USH2A: variants seen among roughly 807,000 people sequenced by gnomAD.
USH2A encodes the protein Usher syndrome 2A (autosomal recessive, mild).
In USH2A, 443 loss-of-function variants were observed where a neutral mutation model predicts 538.9. The ratio of observed to expected loss-of-function variants is 0.82; its 90% CI spans 0.76 to 0.89. The LOEUF is 0.89. Among genes scored for constraint, USH2A ranks in the 40% least tolerant of loss-of-function variants. The pLI is 0.00. For synonymous variants in USH2A, 2,413 were observed against 2,273.5 expected, an observed-to-expected ratio of 1.06 and a Z score of -1.75; for missense variants, 6,633 against 6,324.8, an observed-to-expected ratio of 1.05 and a Z score of -1.65.
intron 4 of USH2A, among the ~76,000 whole-genome samples, chr1:216,356,662 G>T (rs2102698210): frequency 6.6e-6 from 1 of 152,066 alleles, no homozygotes; most frequent in South Asian, 2.1e-4. Flanking sequence ...CATTCCTCTT[G>T]ATGGTGTATA....
At chr1:216,009,042 T>C (rs186095472) in intron 32 of USH2A, among the ~76,000 whole-genome samples, 1 of 152,164 alleles carries the variant, frequency 6.6e-6, no homozygotes, top group East Asian at 1.9e-4. Flanking sequence ...CAACCTCGTA[T>C]CTCTGTGCCC....
intron 21 of USH2A, among the ~76,000 whole-genome samples, chr1:216,100,531 T>C (rs1306038202): frequency 6.6e-6 from 1 of 152,202 alleles, no homozygotes; most frequent in African/African-American, 2.4e-5. Context: ...TCATATATTA[T>C]AATAAAACCT....
rs961424083 is a variant in USH2A at position 215,659,224 on chromosome 1, C to T, written c.14134-8423G>A. Among the ~76,000 whole-genome samples, 22 of 152,216 alleles carry T rather than the reference C, an allele frequency of 1.4e-4. No individual in the cohort carries two copies. In the South Asian group the frequency reaches 4.1e-3, roughly 29 times the overall value. Reference sequence around the variant, plus strand: ...TCCAGGAGGTTCTCTCAACAGATGACCATCAAGCTGGGAAACAATTGGCAG... The same window carrying T: ...TCCAGGAGGTTCTCTCAACAGATGATCATCAAGCTGGGAAACAATTGGCAG... On this transcript the variant is annotated intron_variant, in intron 64 of 71. Coordinates refer to ENST00000307340, the MANE Select transcript of USH2A (RefSeq NM_206933.4).
At chr1:216,037,133 T>G (rs2030021171) in intron 32 of USH2A, among the ~76,000 whole-genome samples, 1 of 152,060 alleles carries the variant, frequency 6.6e-6, no homozygotes, top group African/African-American at 2.4e-5. Context: ...TTAAAGATTT[T>G]TTTAAGATTA....
intron 4 of USH2A, among the ~76,000 whole-genome samples, chr1:216,336,672 T>A (rs1308641682): frequency 6.6e-6 from 1 of 151,492 alleles, no homozygotes; most frequent in African/African-American, 2.4e-5. Context: ...GGAAAAAGAA[T>A]ACTCTTCTTT....
Position 216,097,169 on chromosome 1 carries a change from C to A in USH2A, c.4672G>T (p.Val1558Phe), listed in dbSNP as rs775600356. ...TGATTGCCAGGTGATGCTGCAAAGACAATCAAACCTTCAGGCACTTTTGTT... is the reference window on the plus strand; with the variant it reads ...TGATTGCCAGGTGATGCTGCAAAGAAAATCAAACCTTCAGGCACTTTTGTT... ...FRTKVPEGLI[V>F]FAASPGNQEE... The change falls in exon 22 of 72, where the codon GTC becomes TTC. Residue 1558 changes from valine (V) to phenylalanine (F), a missense_variant. Transcript: ENST00000307340. The A allele has an allele frequency of 6.2e-7, 1 of 1,614,142 alleles. No homozygotes were observed. Among genetic ancestry groups the A allele is most frequent in the Non-Finnish European group, 8.5e-7 (1 of 1,180,006 alleles).
At chr1:215,908,916 T>C (rs943262979) in intron 38 of USH2A, among the ~76,000 whole-genome samples, 38 of 151,196 alleles carry the variant, frequency 2.5e-4, no homozygotes, top group Non-Finnish European at 8.9e-5. Flanking sequence ...CACTAAGATA[T>C]GAGTGGTCCA....
At position 215,813,911 on chromosome 1, in the gene USH2A, GT is replaced by G; in HGVS notation, c.9571-8del. 1 of 1,613,558 alleles carries G rather than the reference GT, an allele frequency of 6.2e-7. No homozygotes were observed. The highest frequency in any genetic ancestry group is 8.5e-7 in the Non-Finnish European group (1 of 1,179,654). ...GCACTCCGTTACAACAAACCTGAAA[GT>G]TTGAAAACAGTTTTAAAGAAATATC... On this transcript the variant is annotated splice_region_variant and splice_polypyrimidine_tract_variant and intron_variant, in intron 48 of 71. Transcript: ENST00000307340.
At chr1:216,014,527 A>G (rs1034796251) in intron 32 of USH2A, among the ~76,000 whole-genome samples, 1 of 152,258 alleles carries the variant, frequency 6.6e-6, no homozygotes, top group Admixed American at 6.5e-5. Flanking sequence ...AATTGCAGGT[A>G]TGTACACAAA....
chr1:215,741,833 A>T (rs1660314602), intron 59 of USH2A, among the ~76,000 whole-genome samples: 1 of 152,228 alleles, frequency 6.6e-6, no homozygotes, highest in Non-Finnish European at 1.5e-5. Flanking sequence ...CTAGTTTATT[A>T]TAGTCATTCT....
At chr1:216,003,545 G>T (rs902460436) in intron 32 of USH2A, among the ~76,000 whole-genome samples, 1 of 151,988 alleles carries the variant, frequency 6.6e-6, no homozygotes, top group Non-Finnish European at 1.5e-5. Flanking sequence ...GGGAATTTTT[G>T]GGTTGGACCA....
At chr1:216,350,853 T>A (rs1446120282) in intron 4 of USH2A, among the ~76,000 whole-genome samples, 1 of 152,186 alleles carries the variant, frequency 6.6e-6, no homozygotes, top group Non-Finnish European at 1.5e-5. Context: ...GGGGACTCAG[T>A]GGAGACTGCA....
chr1:215,951,509 G>C (rs1173863737), intron 37 of USH2A, among the ~76,000 whole-genome samples: 3 of 152,200 alleles, frequency 2.0e-5, no homozygotes, highest in African/African-American at 7.2e-5. Context: ...GTGGTGTGGT[G>C]CTGAAGAGGA....
chr1:216,061,868 A>T (rs1207745450), intron 30 of USH2A, among the ~76,000 whole-genome samples: 1 of 152,194 alleles, frequency 6.6e-6, no homozygotes, highest in Non-Finnish European at 1.5e-5. Flanking sequence ...TCTACCAAAC[A>T]CTGGGAAGAA....
chr1:216,306,164 C>T (rs1456957361), intron 9 of USH2A, among the ~76,000 whole-genome samples: 4 of 152,034 alleles, frequency 2.6e-5, no homozygotes, highest in African/African-American at 7.2e-5. Context: ...TAGATTTGGT[C>T]GTTTAACATA....
chr1:216,150,397 C>G (rs1345281160), intron 21 of USH2A, among the ~76,000 whole-genome samples: 1 of 143,634 alleles, frequency 7.0e-6, no homozygotes, highest in Non-Finnish European at 1.5e-5. Context: ...TTATGTCACC[C>G]TCTACCTCTC....
At chr1:215,795,856 T>C (rs1230516254) in intron 50 of USH2A, among the ~76,000 whole-genome samples, 1 of 152,204 alleles carries the variant, frequency 6.6e-6, no homozygotes, top group Non-Finnish European at 1.5e-5. Flanking sequence ...TTACGAATTA[T>C]TGAGGACCCC....
At chr1:215,856,219 C>A (rs925751650) in intron 44 of USH2A, among the ~76,000 whole-genome samples, 2 of 152,130 alleles carry the variant, frequency 1.3e-5, no homozygotes, top group African/African-American at 4.8e-5. Context: ...TTCTGCACAG[C>A]AAAAGAAATA....
chr1:216,116,292 A>T (rs1197687434), intron 21 of USH2A, among the ~76,000 whole-genome samples: 1 of 152,102 alleles, frequency 6.6e-6, no homozygotes, highest in Non-Finnish European at 1.5e-5. Context: ...TGATAAAAGA[A>T]ATTTCAAAAA....
Sources: gnomAD v4.1 joint callset for allele counts (sites outside exome capture counted in the v4.1 genomes callset) on GRCh38, gnomAD v4.1.1 for gene constraint, MANE v1.5 for transcripts, NCBI Gene and HGNC (gene_info 2026-07-23, HGNC 2026-07-21) for gene names.